EPB41L3: variants seen among roughly 807,000 people sequenced by gnomAD.
EPB41L3 encodes band 4.1-like protein 3.
EPB41L3 carries 57 observed loss-of-function variants against 127.1 expected under a neutral mutation model. That is an observed-to-expected ratio of 0.45 (90% confidence interval 0.36 to 0.56). EPB41L3 has a LOEUF of 0.56. EPB41L3 is among the 20% of genes least tolerant of loss of function. The probability of loss-of-function intolerance (pLI) is 0.00; values close to 1 mark genes in which losing one functional copy is unlikely to be tolerated. For synonymous variants in EPB41L3, 572 were observed against 549.5 expected (o/e 1.04, Z -0.57); for missense variants, 1,273 against 1,372.2 (o/e 0.93, Z 1.14).
chr18:5,518,972 T>TTAAG (rs2092871649), intron 1 of EPB41L3, among the ~76,000 whole-genome samples: 1 of 152,186 alleles, frequency 6.6e-6, no homozygotes, highest in East Asian at 1.9e-4. Context: ...AATCCGTCTG[T>TTAAG]TTGGCAAATT....
chr18:5,435,150 T>C (rs575445459), intron 6 of EPB41L3, among the ~76,000 whole-genome samples: 8 of 152,208 alleles, frequency 5.3e-5, no homozygotes, highest in Non-Finnish European at 1.2e-4. Flanking sequence ...TGCAGCTGTA[T>C]GATGTGTGTT....
At chr18:5,584,231 T>G (rs926786661) in intron 3 of EPB41L3, among the ~76,000 whole-genome samples, 1 of 152,206 alleles carries the variant, frequency 6.6e-6, no homozygotes, top group Non-Finnish European at 1.5e-5. Flanking sequence ...CTGGGTCCTT[T>G]ACCTCTGAGA....
intron 3 of EPB41L3, among the ~76,000 whole-genome samples, chr18:5,583,812 A>T (rs929321953): frequency 6.6e-6 from 1 of 151,912 alleles, no homozygotes; most frequent in Non-Finnish European, 1.5e-5. Flanking sequence ...CTAGAAAATA[A>T]TTTTTTTTAT....
At chr18:5,548,543 A>G (rs1419727242), upstream of EPB41L3, among the ~76,000 whole-genome samples, 3 of 152,240 alleles carry the variant, frequency 2.0e-5, no homozygotes, top group South Asian at 6.2e-4. Context: ...GTATTCTTAT[A>G]TAAAGAATAG....
At position 5,484,086 on chromosome 18, in the gene EPB41L3, CAAAAAAA is replaced by C. The variant is rs57231548; in HGVS notation, c.183+4908_183+4914del. On this transcript the variant is annotated intron_variant, in intron 2 of 22. Coordinates refer to ENST00000341928, the MANE Select transcript of EPB41L3 (RefSeq NM_012307.5). Reference sequence around the variant, plus strand: ...GCTATAAAACAAGTCCAAACAAACTCAAAAAAAAAAAAAAAAAAAAAAAAAAAAAAAA... The same window carrying C: ...GCTATAAAACAAGTCCAAACAAACTCAAAAAAAAAAAAAAAAAAAAAAAAA... 5.7e-3 allele frequency among the ~76,000 whole-genome samples: 104 copies of C among 18,264 alleles called. 2 individuals carry two copies. Among genetic ancestry groups the C allele is most frequent in the African/African-American group, 0.011 (90 of 8,158 alleles). The allele number at this position is 18,264 out of a possible 152,430, so 12.0% of individuals were successfully genotyped here.
intron 3 of EPB41L3, among the ~76,000 whole-genome samples, chr18:5,553,838 T>C (rs1420226879): frequency 2.6e-5 from 4 of 152,136 alleles, no homozygotes; most frequent in Non-Finnish European, 5.9e-5. Flanking sequence ...TGGTAAAACA[T>C]AAGCCAGATC....
At position 5,489,200 on chromosome 18, in the gene EPB41L3, A is replaced by T. The variant is rs779454545; in HGVS notation, c.-11-6T>A. The T allele has an allele frequency of 1.9e-6, 3 of 1,587,452 alleles. No homozygotes were observed. The East Asian group carries it at 7.0e-5, about 37-fold the overall frequency. ...GGTCGTCATGGTTGATTGTTCTGCA[A>T]GCAGAAAAAAGGGAAGAGCAGGTCA... On this transcript the variant is annotated splice_polypyrimidine_tract_variant and splice_region_variant and intron_variant, in intron 1 of 22. Transcript: ENST00000341928.
rs533472090 is a variant in EPB41L3, at chr18:5,561,017, G to A, written c.-306+51323C>T. 4.6e-3 allele frequency among the ~76,000 whole-genome samples: 598 copies of A among 129,630 alleles called. 36 individuals are homozygous for A. The highest frequency in any genetic ancestry group is 7.4e-3 in the Non-Finnish European group (422 of 57,248). The allele number at this position is 129,630 out of a possible 152,430, so 85.0% of individuals were successfully genotyped here. ...TTTTGAGATGGAGTCTCGCTCTGTC[G>A]CCCAGGCTGGAGTGCAGTGGCGCGA... On this transcript the variant is annotated intron_variant, in intron 3 of 21. Coordinates refer to the EPB41L3 transcript ENST00000545076.
At chr18:5,564,811 C>T (rs2094177406) in intron 3 of EPB41L3, among the ~76,000 whole-genome samples, 1 of 152,122 alleles carries the variant, frequency 6.6e-6, no homozygotes, top group South Asian at 2.1e-4. Context: ...TTCCCTGCAG[C>T]TACTCACAAG....
intron 16 of EPB41L3, among the ~76,000 whole-genome samples, chr18:5,402,446 C>A (rs2074657291): frequency 6.6e-6 from 1 of 152,050 alleles, no homozygotes; most frequent in South Asian, 2.1e-4. Flanking sequence ...ACAAAACCCC[C>A]AGCGAAACAG....
intron 3 of EPB41L3, among the ~76,000 whole-genome samples, chr18:5,600,674 C>T (rs1020053244): frequency 6.6e-6 from 1 of 152,146 alleles, no homozygotes; most frequent in Non-Finnish European, 1.5e-5. Context: ...CTCATCCTTT[C>T]GTTTTAAAAA....
Position 5,543,992 on chromosome 18 carries a change from A to T in EPB41L3, c.-91T>A, listed in dbSNP as rs2149094861. 1 of 985,454 alleles carries T rather than the reference A, an allele frequency of 1.0e-6. No individual in the cohort carries two copies. The highest frequency in any genetic ancestry group is 1.1e-4 in the East Asian group (1 of 8,760). 61.0% of individuals were successfully genotyped at this position (985,454 alleles called of 1,614,324 possible). A position where few individuals can be genotyped will look rare whatever the true frequency, so the allele number is the denominator to read the frequency against. On this transcript the variant is annotated 5_prime_UTR_variant, in exon 1 of 23. Transcript: ENST00000341928. The surrounding 1 kb of genome is among the most constrained non-coding windows in gnomAD (Gnocchi z 5.2). Reference sequence around the variant, plus strand: ...CGCGTCCTCGGCGGCGGTGCGCAGGAGACTCGGGCGTGGGGAGGAAGCCGC... The same window carrying T: ...CGCGTCCTCGGCGGCGGTGCGCAGGTGACTCGGGCGTGGGGAGGAAGCCGC...
chr18:5,606,542 T>A (rs1166577329), intron 3 of EPB41L3, among the ~76,000 whole-genome samples: 1 of 152,212 alleles, frequency 6.6e-6, no homozygotes, highest in Non-Finnish European at 1.5e-5. Context: ...TTTATTCGTA[T>A]GACTTATCTT....
intron 3 of EPB41L3, among the ~76,000 whole-genome samples, chr18:5,468,777 G>C (rs559317127): frequency 6.6e-6 from 1 of 152,128 alleles, no homozygotes; most frequent in African/African-American, 2.4e-5. Flanking sequence ...TTAGCCAGGC[G>C]TGGTGGCATG....
intron 12 of EPB41L3, among the ~76,000 whole-genome samples, chr18:5,416,892 G>T (rs1028582932): frequency 6.6e-6 from 1 of 151,512 alleles, no homozygotes; most frequent in African/African-American, 2.4e-5. Context: ...CCTTTCCCTG[G>T]TTATTCAATT....
In EPB41L3 at chr18:5,494,228, T is replaced by A. The variant is rs1283895289; in HGVS notation, c.-11-5034A>T. On this transcript the variant is annotated intron_variant, in intron 1 of 22. Transcript: ENST00000341928. Reference sequence around the variant, plus strand: ...CCAACCCCCCAATCTGCTTGACTCCTGTCCTCCCCATTGCAGCAGGTGGCC... The same window carrying A: ...CCAACCCCCCAATCTGCTTGACTCCAGTCCTCCCCATTGCAGCAGGTGGCC... Among the ~76,000 whole-genome samples, 6 of 152,158 alleles carry A rather than the reference T, an allele frequency of 3.9e-5. No individual in the cohort carries two copies. The East Asian group carries it at 1.2e-3, about 29-fold the overall frequency.
intron 1 of EPB41L3, among the ~76,000 whole-genome samples, chr18:5,538,994 GAT>G (rs1491267736): frequency 0.053 from 6,763 of 128,428 alleles, 220 homozygotes; most frequent in South Asian, 0.13. Flanking sequence ...CTTTCTCCAA[GAT>G]TTTTTTTTTT....
chr18:5,437,636 A>ATG (rs1248258922), intron 6 of EPB41L3, among the ~76,000 whole-genome samples: 1 of 152,212 alleles, frequency 6.6e-6, no homozygotes, highest in Non-Finnish European at 1.5e-5. Context: ...ACTTAAATTT[A>ATG]TGTGTGTGTG....
At chr18:5,567,809 T>C (rs1001357471) in intron 3 of EPB41L3, among the ~76,000 whole-genome samples, 13 of 152,242 alleles carry the variant, frequency 8.5e-5, no homozygotes, top group Non-Finnish European at 2.9e-5. Flanking sequence ...GTAATAATTA[T>C]TTGTCATAAT....
Sources: allele counts gnomAD v4.1 joint callset (sites outside exome capture counted in the v4.1 genomes callset), GRCh38; gene constraint gnomAD v4.1.1; non-coding constraint Gnocchi (gnomAD v3.1); transcripts MANE v1.5; gene names NCBI Gene and HGNC (gene_info 2026-07-23, HGNC 2026-07-21).